The following GRM2 variants were observed in gnomAD, a reference collection of about 807,000 sequenced individuals.
GRM2 encodes glutamate metabotropic receptor 2.
GRM2 carries 35 observed loss-of-function variants against 60.4 expected under a neutral mutation model. The ratio of observed to expected loss-of-function variants is 0.58; its 90% CI spans 0.44 to 0.77. The LOEUF (loss-of-function observed/expected upper bound fraction) is 0.77. Ranked by LOEUF, GRM2 falls within the 30% of genes least tolerant of loss-of-function variation. The probability of loss-of-function intolerance (pLI) is 0.00; values close to 1 mark genes in which losing one functional copy is unlikely to be tolerated. For synonymous variants in GRM2, 437 were observed against 484.1 expected, an observed-to-expected ratio of 0.90 and a Z score of 1.28; for missense variants, 925 against 1,199.5, an observed-to-expected ratio of 0.77 and a Z score of 3.38.
At position 51,709,193 on chromosome 3, in the gene GRM2, C is replaced by T; in HGVS notation, c.210C>T (p.Asp70=). 7 of 1,611,666 alleles carry T rather than the reference C, an allele frequency of 4.3e-6. No individual in the cohort carries two copies. Among genetic ancestry groups the T allele is most frequent in the African/African-American group, 1.3e-5 (1 of 75,014 alleles). ...QRLEAMLFAL[D]RINRDPHLLP... is the part of the protein sequence containing the mutation. ...TGGAGGCCATGCTTTTTGCACTGGA[C>T]CGCATCAACCGTGACCCGCACCTGC... The change falls in exon 2 of 6, where the codon GAC becomes GAT. Residue 70 remains aspartate (D), a synonymous_variant. Transcript: ENST00000395052.
At position 51,718,136 on chromosome 3, in the gene GRM2, A is replaced by G. The variant is rs1577567819; in HGVS notation, c.*24A>G. On this transcript the variant is annotated 3_prime_UTR_variant, in exon 6 of 6. Coordinates refer to ENST00000395052, the MANE Select transcript of GRM2 (RefSeq NM_000839.5). The surrounding 1 kb of genome is among the most constrained non-coding windows in gnomAD (Gnocchi z 4.2). ...GAAGACCCCATACTCCCGCCCTGACACAGCTGCTCCTGGGAACCTAGTGCA... is the reference window on the plus strand; with the variant it reads ...GAAGACCCCATACTCCCGCCCTGACGCAGCTGCTCCTGGGAACCTAGTGCA... 6.2e-7 allele frequency: 1 copy of G among 1,604,888 alleles called. No homozygotes were observed. The highest frequency in any genetic ancestry group is 8.5e-7 in the Non-Finnish European group (1 of 1,171,582).
In GRM2 at chr3:51,717,813, C is replaced by G; in HGVS notation, c.2541C>G (p.Gly847=). 1.2e-6 allele frequency: 2 copies of G among 1,613,558 alleles called. No homozygotes were observed. The highest frequency in any genetic ancestry group is 1.7e-6 in the Non-Finnish European group (2 of 1,179,728). The part of the protein sequence containing the change: ...SAAARASSSL[G]QGSGSQFVPT... ...CTGCCAGGGCCAGCTCCAGCCTTGG[C>G]CAAGGTCAGTGTCCTAAGCAGCCCT... The change falls in exon 5 of 6, where the codon GGC becomes GGG. Residue 847 remains glycine, a synonymous_variant. Coordinates refer to ENST00000395052, the MANE Select transcript of GRM2 (RefSeq NM_000839.5). The surrounding 1 kb of genome is among the most constrained non-coding windows in gnomAD (Gnocchi z 6.0).
chr3:51,713,033 G>T lies in GRM2; in HGVS notation c.1011G>T (p.Trp337Cys). Reference sequence around the variant, plus strand: ...CCTACTTCCAGAGCCTGGACCCTTGGAACAACAGCCGGAACCCCTGGTTCC... The same window carrying T: ...CCTACTTCCAGAGCCTGGACCCTTGTAACAACAGCCGGAACCCCTGGTTCC... ...FASYFQSLDP[W>C]NNSRNPWFRE... The change falls in exon 3 of 6, where the codon TGG (tryptophan) becomes TGT (cysteine). Residue 337 changes from tryptophan (W) to cysteine (C), a missense_variant. Trp to Cys is a radical substitution (Grantham distance 215, BLOSUM62 -2). Coordinates refer to ENST00000395052, the MANE Select transcript of GRM2 (RefSeq NM_000839.5). The surrounding 1 kb of genome is among the most constrained non-coding windows in gnomAD (Gnocchi z 4.8). 1 of 1,613,294 alleles carries T rather than the reference G, an allele frequency of 6.2e-7. No individual in the cohort carries two copies. The highest frequency in any genetic ancestry group is 8.5e-7 in the Non-Finnish European group (1 of 1,180,032).
chr3:51,717,968 C>T lies in GRM2; in HGVS notation c.2546-71C>T. 1 of 1,494,694 alleles carries T rather than the reference C, an allele frequency of 6.7e-7. No individual in the cohort carries two copies. Among genetic ancestry groups the T allele is most frequent in the South Asian group, 1.1e-5 (1 of 88,696 alleles). 92.6% of individuals were successfully genotyped at this position (1,494,694 alleles called of 1,614,324 possible). ...GGGAGGGGAGGCTTCCCTCACAGCCCTGCTTCCCCACTGCCTGCCCTCCAT... is the reference window on the plus strand; with the variant it reads ...GGGAGGGGAGGCTTCCCTCACAGCCTTGCTTCCCCACTGCCTGCCCTCCAT... On this transcript the variant is annotated intron_variant, in intron 5 of 5. Transcript: ENST00000395052. This position sits in a 1 kb window ranked among gnomAD's most constrained non-coding sequence, Gnocchi z 6.0.
intron 2 of GRM2, among the ~76,000 whole-genome samples, chr3:51,709,678 A>ACCC (rs1703626147): frequency 4.4e-5 from 1 of 22,608 alleles, no homozygotes; most frequent in East Asian, 1.5e-3. Flanking sequence ...TCACACACAC[A>ACCC]CACACACCCC....
chr3:51,712,750 G>A lies in GRM2; in HGVS notation c.728G>A (p.Arg243His), dbSNP rs751842471. The change falls in exon 3 of 6, where the codon CGT becomes CAT. Residue 243 changes from arginine (R) to histidine (H), a missense_variant. Transcript: ENST00000395052. The surrounding 1 kb of genome is among the most constrained non-coding windows in gnomAD (Gnocchi z 5.3). ...GTGGCCACCTCGGAGAAAGTGGGCC[G>A]TGCCATGAGCCGCGCGGCCTTTGAG... is the stretch of plus-strand genomic sequence containing the variant. ...ICVATSEKVG[R>H]AMSRAAFEGV... 26 of 1,613,380 alleles carry A rather than the reference G, an allele frequency of 1.6e-5. No individual in the cohort carries two copies. Among genetic ancestry groups the A allele is most frequent in the East Asian group, 1.1e-4 (5 of 44,894 alleles).
In GRM2 at chr3:51,715,280, C is replaced by T. The variant is rs1703853208; in HGVS notation, c.1507C>T (p.Pro503Ser). The T allele has an allele frequency of 6.2e-7, 1 of 1,610,452 alleles. No individual in the cohort carries two copies. Among genetic ancestry groups the T allele is most frequent in the Non-Finnish European group, 8.5e-7 (1 of 1,177,882 alleles). ...CCTGCCCGCCTCTCGCTGCAGTGAGCCCTGCCTCCAGAATGAGGTGAAGAG... is the reference window on the plus strand; with the variant it reads ...CCTGCCCGCCTCTCGCTGCAGTGAGTCCTGCCTCCAGAATGAGGTGAAGAG... ...GPLPASRCSE[P>S]CLQNEVKSVQ... Residue 503 changes from proline (P) to serine (S), a missense_variant, in exon 4 of 6, where the codon CCC becomes TCC. Coordinates refer to ENST00000395052, the MANE Select transcript of GRM2 (RefSeq NM_000839.5). The surrounding 1 kb of genome is among the most constrained non-coding windows in gnomAD (Gnocchi z 9.0).
chr3:51,711,103 G>T (rs1430994201), intron 2 of GRM2, among the ~76,000 whole-genome samples: 2 of 152,238 alleles, frequency 1.3e-5, no homozygotes, highest in Non-Finnish European at 2.9e-5. Context: ...CTGAAGTCGG[G>T]GAGGCCTGGC....
chr3:51,717,430 A>T lies in GRM2; in HGVS notation c.2365-207A>T, dbSNP rs1703942084. Among the ~76,000 whole-genome samples the T allele has an allele frequency of 1.3e-5, 2 of 151,700 alleles. No homozygotes were observed. The highest frequency in any genetic ancestry group is 4.2e-4 in the South Asian group (2 of 4,802). ...CTGCATGTTCTCCCCTTCAGCTGGA[A>T]CTCTTGTCACCCTGGGAAAATGGTC... On this transcript the variant is annotated intron_variant, in intron 4 of 5. Coordinates refer to ENST00000395052, the MANE Select transcript of GRM2 (RefSeq NM_000839.5). This position sits in a 1 kb window ranked among gnomAD's most constrained non-coding sequence, Gnocchi z 6.0.
intron 3 of GRM2, chr3:51,714,299 G>T (rs1703822224): frequency 5.4e-6 from 1 of 185,454 alleles, no homozygotes; most frequent in Non-Finnish European, 1.1e-5. Context: ...TGAGTAGAAA[G>T]AGTAGGTGCT....
At position 51,712,487 on chromosome 3, in the gene GRM2, G is replaced by A; in HGVS notation, c.465G>A (p.Leu155=). 1.2e-6 allele frequency: 2 copies of A among 1,612,256 alleles called. No individual in the cohort carries two copies. The highest frequency in any genetic ancestry group is 1.7e-6 in the Non-Finnish European group (2 of 1,178,558). Residue 155 remains leucine (L), a synonymous_variant, in exon 3 of 6, where the codon TTG becomes TTA. Transcript: ENST00000395052. This position sits in a 1 kb window ranked among gnomAD's most constrained non-coding sequence, Gnocchi z 5.3. The part of the protein sequence containing the change: ...SDVSIQVANL[L]RLFQIPQISY... ...TCCTCCCCCAGGTGGCCAACCTCTT[G>A]AGGCTATTTCAGATCCCACAGATTA... is the stretch of plus-strand genomic sequence containing the variant.
rs755848407 is a variant in GRM2 at position 51,715,837 on chromosome 3, G to A, written c.2064G>A (p.Ser688=). The change falls in exon 4 of 6, where the codon TCG becomes TCA. Residue 688 remains serine, a synonymous_variant. Coordinates refer to ENST00000395052, the MANE Select transcript of GRM2 (RefSeq NM_000839.5). The surrounding 1 kb of genome is among the most constrained non-coding windows in gnomAD (Gnocchi z 9.0). The part of the protein sequence containing the change: ...SQVAICLALI[S]GQLLIVVAWL... ...TGGCCATCTGCCTGGCACTTATCTC[G>A]GGCCAGCTGCTCATCGTGGTCGCCT... 5.8e-5 allele frequency: 93 copies of A among 1,613,134 alleles called. No individual in the cohort carries two copies. The highest frequency in any genetic ancestry group is 5.3e-4 in the East Asian group (24 of 44,876).
rs1703924576 is a variant in GRM2 at position 51,717,078 on chromosome 3, C to A, written c.2365-559C>A. 6.6e-6 allele frequency among the ~76,000 whole-genome samples: 1 copy of A among 151,794 alleles called. No homozygotes were observed. The highest frequency in any genetic ancestry group is 1.5e-5 in the Non-Finnish European group (1 of 67,942). ...GCATTTGCATGCCAATCACAGGCAG[C>A]TAAGGACTCACCTGAGACACACACC... On this transcript the variant is annotated intron_variant, in intron 4 of 5. Transcript: ENST00000395052. This position sits in a 1 kb window ranked among gnomAD's most constrained non-coding sequence, Gnocchi z 6.0.
In GRM2 at chr3:51,713,904, G is replaced by C; in HGVS notation, c.1288+594G>C. On this transcript the variant is annotated intron_variant, in intron 3 of 5. Coordinates refer to ENST00000395052, the MANE Select transcript of GRM2 (RefSeq NM_000839.5). This position sits in a 1 kb window ranked among gnomAD's most constrained non-coding sequence, Gnocchi z 4.8. Reference sequence around the variant, plus strand: ...CCAGAGTAGCTAGGATGACAGGCATGTGGCACTGCTCCTAGCTTCAGGGAA... The same window carrying C: ...CCAGAGTAGCTAGGATGACAGGCATCTGGCACTGCTCCTAGCTTCAGGGAA... 2 of 443,960 alleles carry C rather than the reference G, an allele frequency of 4.5e-6. No homozygotes were observed. Among genetic ancestry groups the C allele is most frequent in the Non-Finnish European group, 4.6e-6 (1 of 218,738 alleles). 27.5% of individuals were successfully genotyped at this position (443,960 alleles called of 1,614,324 possible).
In GRM2 at chr3:51,708,920, G is replaced by A. The variant is rs778873506; in HGVS notation, c.-64G>A. The A allele has an allele frequency of 2.0e-5, 25 of 1,279,674 alleles. No homozygotes were observed. The highest frequency in any genetic ancestry group is 2.5e-5 in the Non-Finnish European group (24 of 943,594). The allele number at this position is 1,279,674 out of a possible 1,614,324, so 79.3% of individuals were successfully genotyped here. A position where few individuals can be genotyped will look rare whatever the true frequency, so the allele number is the denominator to read the frequency against. On this transcript the variant is annotated 5_prime_UTR_variant, in exon 2 of 6. Coordinates refer to ENST00000395052, the MANE Select transcript of GRM2 (RefSeq NM_000839.5). ...CCTGTTTCCTCCTCTCTTTGCCTTCGCTGCTTCTAATCTCATCCCCTGGAG... is the reference window on the plus strand; with the variant it reads ...CCTGTTTCCTCCTCTCTTTGCCTTCACTGCTTCTAATCTCATCCCCTGGAG...
rs1016564375 is a variant in GRM2 at position 51,713,984 on chromosome 3, A to C, written c.1288+674A>C. On this transcript the variant is annotated intron_variant, in intron 3 of 5. Transcript: ENST00000395052. This position sits in a 1 kb window ranked among gnomAD's most constrained non-coding sequence, Gnocchi z 4.8. ...TCAAGGTGACCTGAAAGTCTCCTGAAATCAAAAGTTATTTTAATAAGAGTG... is the reference window on the plus strand; with the variant it reads ...TCAAGGTGACCTGAAAGTCTCCTGACATCAAAAGTTATTTTAATAAGAGTG... The C allele has an allele frequency of 2.2e-6, 1 of 454,608 alleles. No homozygotes were observed. The highest frequency in any genetic ancestry group is 2.0e-5 in the African/African-American group (1 of 50,034). 28.2% of individuals were successfully genotyped at this position (454,608 alleles called of 1,614,324 possible).
rs775595117 is a variant in GRM2 at position 51,709,215 on chromosome 3, C to G, written c.232C>G (p.Leu78Val). Residue 78 changes from leucine (L) to valine (V), a missense_variant, in exon 2 of 6, where the codon CTG becomes GTG. Coordinates refer to ENST00000395052, the MANE Select transcript of GRM2 (RefSeq NM_000839.5). ...GGACCGCATCAACCGTGACCCGCAC[C>G]TGCTGCCTGGCGTGCGCCTGGGTGC... The part of the protein sequence containing the change: ...ALDRINRDPH[L>V]LPGVRLGAHI... 6.2e-7 allele frequency: 1 copy of G among 1,610,068 alleles called. No individual in the cohort carries two copies. Among genetic ancestry groups the G allele is most frequent in the Non-Finnish European group, 8.5e-7 (1 of 1,177,908 alleles).
At chr3:51,707,862 G>C (rs2107080863) in intron 1 of GRM2, 1 of 152,436 alleles carries the variant, frequency 6.6e-6, no homozygotes, top group African/African-American at 2.4e-5. Context: ...GTGATTGTGA[G>C]AGCCTTTGTG....
Position 51,718,232 on chromosome 3 carries a change from C to A in GRM2, c.*120C>A. The A allele has an allele frequency of 1.2e-6, 1 of 853,236 alleles. No homozygotes were observed. Among genetic ancestry groups the A allele is most frequent in the Non-Finnish European group, 2.0e-6 (1 of 496,688 alleles). 52.9% of individuals were successfully genotyped at this position (853,236 alleles called of 1,614,324 possible). A position where few individuals can be genotyped will look rare whatever the true frequency, so the allele number is the denominator to read the frequency against. ...AATTTATTACCCACCCTATGTCTGC[C>A]CCCAAAGTCACTTACCCACCTCCTT... On this transcript the variant is annotated 3_prime_UTR_variant, in exon 6 of 6. Coordinates refer to ENST00000395052, the MANE Select transcript of GRM2 (RefSeq NM_000839.5). This position sits in a 1 kb window ranked among gnomAD's most constrained non-coding sequence, Gnocchi z 4.2.
Sources: allele counts gnomAD v4.1 joint callset (sites outside exome capture counted in the v4.1 genomes callset), GRCh38; gene constraint gnomAD v4.1.1; non-coding constraint Gnocchi (gnomAD v3.1); transcripts MANE v1.5; gene names NCBI Gene and HGNC (gene_info 2026-07-23, HGNC 2026-07-21).